Variants in NEB observed in about 807,000 individuals in gnomAD.
NEB encodes the protein nemaline myopathy type 2.
NEB carries 512 observed loss-of-function variants against 952.2 expected under a neutral mutation model. The ratio of observed to expected loss-of-function variants is 0.54; its 90% CI spans 0.50 to 0.58. The LOEUF (loss-of-function observed/expected upper bound fraction) is 0.58. Among genes scored for constraint, NEB ranks in the 20% least tolerant of loss-of-function variants. The pLI, the probability that NEB is intolerant of heterozygous loss-of-function variation, is 0.00. For synonymous variants in NEB, 2,900 were observed against 3,149.8 expected, an observed-to-expected ratio of 0.92 and a Z score of 2.66; for missense variants, 8,428 against 9,231.1, an observed-to-expected ratio of 0.91 and a Z score of 3.56.
chr2:151,675,821 T>G (rs184479806), intron 34 of NEB, among the ~76,000 whole-genome samples: 1 of 152,350 alleles, frequency 6.6e-6, no homozygotes, highest in Admixed American at 6.5e-5. Context: ...AAATTATAAT[T>G]GTATCAGTGA....
intron 10 of NEB, among the ~76,000 whole-genome samples, chr2:151,711,393 C>T (rs1208753734): frequency 2.0e-5 from 3 of 152,130 alleles, no homozygotes; most frequent in Non-Finnish European, 2.9e-5. Context: ...GGTCTCAAGG[C>T]ACTGGCATAT....
Position 151,655,291 on chromosome 2 carries a change from C to T in NEB, c.6786G>A (p.Gln2262=). The T allele has an allele frequency of 6.3e-7, 1 of 1,587,108 alleles. No homozygotes were observed. Among genetic ancestry groups the T allele is most frequent in the Non-Finnish European group, 8.6e-7 (1 of 1,159,234 alleles). ...TTACCTGACTATACAGTGTTTGATTCTGCTTGGCTTGTAAAATATCTGGTG... is the reference window on the plus strand; with the variant it reads ...TTACCTGACTATACAGTGTTTGATTTTGCTTGGCTTGTAAAATATCTGGTG... ...PDTPDILQAK[Q]NQTLYSQKLY... is the part of the protein sequence containing the mutation. Residue 2262 remains glutamine (Q), a synonymous_variant, in exon 51 of 182, where the codon CAG becomes CAA. Coordinates refer to ENST00000397345, the MANE Select transcript of NEB (RefSeq NM_001164508.2).
chr2:151,491,495 T>C (rs1031245444), intron 179 of NEB, 188 bp downstream of exon 179: 3 of 494,790 alleles, frequency 6.1e-6, no homozygotes, highest in African/African-American at 5.8e-5. Context: ...AACAAAATTT[T>C]TTCTAACTTG....
chr2:151,503,754 G>A (rs1214779886), intron 165 of NEB, among the ~76,000 whole-genome samples: 1 of 152,150 alleles, frequency 6.6e-6, no homozygotes, highest in Non-Finnish European at 1.5e-5. Flanking sequence ...TAGCTTTGGT[G>A]CCTCAAATAT....
intron 51 of NEB, 40 bp from the exon 52 acceptor site, chr2:151,654,139 A>G: frequency 2.3e-6 from 3 of 1,308,474 alleles, no homozygotes; most frequent in Non-Finnish European, 3.2e-6. Context: ...TTCTGTCTAT[A>G]TAAAGAATAT....
Position 151,561,243 on chromosome 2 carries a change from C to T in NEB, c.19066G>A (p.Val6356Met), listed in dbSNP as rs1271796085. The T allele has an allele frequency of 3.1e-6, 5 of 1,608,998 alleles. No homozygotes were observed. The South Asian group carries it at 3.3e-5, about 11-fold the overall frequency. ...TTAATGCCACTCTGAACAGCAGTCACATAGAGGGGCGTGTCTGTGACCAGA... is the reference window on the plus strand; with the variant it reads ...TTAATGCCACTCTGAACAGCAGTCATATAGAGGGGCGTGTCTGTGACCAGA... ...YNLVTDTPLY[V>M]TAVQSGINAS... The change falls in exon 122 of 182, where the codon GTG (valine) becomes ATG (methionine). Residue 6356 changes from valine (V) to methionine (M), a missense_variant. Physicochemically the swap from Val to Met is conservative, Grantham distance 21. This residue lies in a region of NEB where 3,374 missense variants were observed against 3,651.5 expected (regional missense o/e 0.92). Transcript: ENST00000397345.
chr2:151,676,350 A>ATT (rs1432397706), intron 34 of NEB, among the ~76,000 whole-genome samples: 2 of 152,102 alleles, frequency 1.3e-5, no homozygotes, highest in Non-Finnish European at 2.9e-5. Flanking sequence ...CAGTCCAATT[A>ATT]AGCCTTCCTT....
intron 105 of NEB, among the ~76,000 whole-genome samples, chr2:151,578,860 T>C (rs1395246278): frequency 6.6e-6 from 1 of 151,782 alleles, no homozygotes; most frequent in African/African-American, 2.4e-5. Flanking sequence ...GACGGGTGGA[T>C]CACCTGCGGT....
chr2:151,625,270 CATTA>C (rs1237526551), intron 71 of NEB, among the ~76,000 whole-genome samples: 1 of 152,092 alleles, frequency 6.6e-6, no homozygotes, highest in Non-Finnish European at 1.5e-5. Context: ...ATGTTTTAGT[CATTA>C]ATAGTTGACT....
chr2:151,570,143 T>G lies in NEB; in HGVS notation c.17368A>C (p.Thr5790Pro). 3.1e-6 allele frequency: 5 copies of G among 1,613,334 alleles called. No homozygotes were observed. The highest frequency in any genetic ancestry group is 4.2e-6 in the Non-Finnish European group (5 of 1,179,656). ...MDYRNYLHQW[T>P]CMPDQNDVIQ... ...ACATCGTTCTGGTCGGGCATGCAGG[T>G]CCACTGGTGCAGGTAATTGCGGTAA... is the stretch of plus-strand genomic sequence containing the variant. The change falls in exon 109 of 182, where the codon ACC becomes CCC. Residue 5790 changes from threonine to proline, a missense_variant. This residue lies in a region of NEB where 3,374 missense variants were observed against 3,651.5 expected (regional missense o/e 0.92). Coordinates refer to ENST00000397345, the MANE Select transcript of NEB (RefSeq NM_001164508.2).
intron 172 of NEB, 66 bp from the exon 173 acceptor site, chr2:151,496,434 AG>A: frequency 6.5e-7 from 1 of 1,527,726 alleles, no homozygotes; most frequent in Non-Finnish European, 8.9e-7. Flanking sequence ...AGAGGTTTTA[AG>A]GGTAAGGTCA....
rs780022652 is a variant in NEB at position 151,674,476 on chromosome 2, C to T, written c.3987+1G>A. 25 of 1,612,738 alleles carry T rather than the reference C, an allele frequency of 1.6e-5. No homozygotes were observed. Among genetic ancestry groups the T allele is most frequent in the Non-Finnish European group, 1.9e-5 (22 of 1,178,682 alleles). Reference sequence around the variant, plus strand: ...AAACTTCACCTAAAATTTGTACTCACATCACTGGCAATGTTTCTCGATGCC... The same window carrying T: ...AAACTTCACCTAAAATTTGTACTCATATCACTGGCAATGTTTCTCGATGCC... On this transcript the variant is annotated splice_donor_variant, in intron 36 of 181. Transcript: ENST00000397345. LOFTEE classifies it high-confidence loss of function.
intron 4 of NEB, among the ~76,000 whole-genome samples, chr2:151,728,861 C>G (rs1048824274): frequency 6.6e-6 from 1 of 152,058 alleles, no homozygotes; most frequent in Non-Finnish European, 1.5e-5. Flanking sequence ...CACATCATTG[C>G]TAATAGGTTG....
At chr2:151,515,045 T>A (rs1258709530) in intron 157 of NEB, 117 bp from the exon 158 acceptor site, 1 of 655,862 alleles carries the variant, frequency 1.5e-6, no homozygotes, top group African/African-American at 1.8e-5. Context: ...TAATCATAGT[T>A]CTGCTAATGG....
intron 13 of NEB, among the ~76,000 whole-genome samples, chr2:151,700,043 A>T (rs1300066416): frequency 1.1e-5 from 1 of 94,206 alleles, no homozygotes; most frequent in Non-Finnish European, 2.1e-5. Flanking sequence ...TTTTTGTATA[A>T]GGTGTAAGGA....
rs1262229809 is a variant in NEB at position 151,636,287 on chromosome 2, G to A, written c.9042C>T (p.Asp3014=). ...ANEEAKKKGY[D]LRSDAIPIVA... ...CGATGGGGATGGCGTCGCTTCGCAAGTCATAGCCTTTCTTCTTTGCTTCTT... is the reference window on the plus strand; with the variant it reads ...CGATGGGGATGGCGTCGCTTCGCAAATCATAGCCTTTCTTCTTTGCTTCTT... The change falls in exon 64 of 182, where the codon GAC becomes GAT. Residue 3014 remains aspartate, a synonymous_variant. Coordinates refer to ENST00000397345, the MANE Select transcript of NEB (RefSeq NM_001164508.2). 5 of 1,609,728 alleles carry A rather than the reference G, an allele frequency of 3.1e-6. No individual in the cohort carries two copies. The highest frequency in any genetic ancestry group is 2.5e-6 in the Non-Finnish European group (3 of 1,179,740).
rs1558984420 is a variant in NEB, at chr2:151,663,842, G to A, written c.5469C>T (p.Ala1823=). The A allele has an allele frequency of 8.1e-6, 13 of 1,613,500 alleles. No homozygotes were observed. Among genetic ancestry groups the A allele is most frequent in the Admixed American group, 5.0e-5 (3 of 59,964 alleles). Residue 1823 remains alanine (A), a synonymous_variant, in exon 45 of 182, where the codon GCC becomes GCT. Coordinates refer to ENST00000397345, the MANE Select transcript of NEB (RefSeq NM_001164508.2). ...DIASDYKYKK[A]YEQAKGKHIG... Reference sequence around the variant, plus strand: ...TGTGTTTCCCTTTGGCTTGTTCATAGGCTTTCTTGTATTTGTACTGTGGAC... The same window carrying A: ...TGTGTTTCCCTTTGGCTTGTTCATAAGCTTTCTTGTATTTGTACTGTGGAC...
At chr2:151,496,216 T>C (rs2060071431) in intron 173 of NEB, 60 bp downstream of exon 173, 15 of 1,445,848 alleles carry the variant, frequency 1.0e-5, no homozygotes, top group Non-Finnish European at 1.4e-5. Flanking sequence ...TGTATTATTT[T>C]AAATCATAAA....
chr2:151,631,035 G>A (rs996835377), intron 66 of NEB, 108 bp downstream of exon 66: 2 of 1,425,028 alleles, frequency 1.4e-6, no homozygotes, highest in African/African-American at 1.4e-5. Context: ...AATTTAAAAG[G>A]TAAAAATGCG....
Sources: allele counts gnomAD v4.1 joint callset (sites outside exome capture counted in the v4.1 genomes callset), GRCh38; gene constraint gnomAD v4.1.1; regional missense constraint gnomAD v4.1.1; transcripts MANE v1.5; gene names NCBI Gene and HGNC (gene_info 2026-07-23, HGNC 2026-07-21).